SNX33: variants seen among roughly 807,000 people sequenced by gnomAD.
SNX33 encodes the protein sorting nexin 33.
In SNX33, 19 loss-of-function variants were observed where a neutral mutation model predicts 38.8. The observed-to-expected ratio is 0.49, with a 90% confidence interval of 0.34 to 0.72. SNX33 has a LOEUF of 0.72. Among genes scored for constraint, SNX33 ranks in the 30% least tolerant of loss-of-function variants. The pLI is 0.01. For synonymous variants in SNX33, 246 were observed against 289.7 expected (o/e 0.85, Z 1.53); for missense variants, 641 against 776.4 (o/e 0.83, Z 2.07).
chr15:75,651,353 T>C (rs528881166), intron 1 of SNX33, among the ~76,000 whole-genome samples: 22 of 152,284 alleles, frequency 1.4e-4, no homozygotes, highest in African/African-American at 4.8e-4. Context: ...CGGCTGGGAC[T>C]GTCCCTTCCT....
rs1270429946 is a variant in SNX33 at position 75,659,146 on chromosome 15, T to A, written c.*1931T>A. 6.6e-6 allele frequency: 1 copy of A among 152,372 alleles called. No homozygotes were observed. The highest frequency in any genetic ancestry group is 1.9e-4 in the East Asian group (1 of 5,190). 9.4% of individuals were successfully genotyped at this position (152,372 alleles called of 1,614,324 possible). A position where few individuals can be genotyped will look rare whatever the true frequency, so the allele number is the denominator to read the frequency against. ...CCACATTGGAAACTGAAGAGGACGC[T>A]GGCTGTTGGGGGTGCCCTGATCAGG... On this transcript the variant is annotated 3_prime_UTR_variant, in exon 2 of 2. Transcript: ENST00000308527.
Position 75,648,115 on chromosome 15 carries a change from C to T in SNX33, c.-988C>T. The T allele has an allele frequency of 1.0e-6, 1 of 985,484 alleles. No homozygotes were observed. Among genetic ancestry groups the T allele is most frequent in the Non-Finnish European group, 1.2e-6 (1 of 829,992 alleles). The allele number at this position is 985,484 out of a possible 1,614,324, so 61.0% of individuals were successfully genotyped here. A position where few individuals can be genotyped will look rare whatever the true frequency, so the allele number is the denominator to read the frequency against. Reference sequence around the variant, plus strand: ...CCAAACTGTTGAGTGTGTGCGTGCACGCGAGGGTGGTGATCGGGGGTCGTA... The same window carrying T: ...CCAAACTGTTGAGTGTGTGCGTGCATGCGAGGGTGGTGATCGGGGGTCGTA... On this transcript the variant is annotated 5_prime_UTR_variant, in exon 1 of 2. In the 5' UTR this introduces an upstream ATG that the reference lacks. Transcript: ENST00000308527. The surrounding 1 kb of genome is among the most constrained non-coding windows in gnomAD (Gnocchi z 4.4).
At position 75,649,612 on chromosome 15, in the gene SNX33, G is replaced by A. The variant is rs1176585929; in HGVS notation, c.510G>A (p.Leu170=). Reference sequence around the variant, plus strand: ...CACCACTGGAGCGGCAGGACAGCCTGGCATCTGCCAAGCGAGGCAGTGTGG... The same window carrying A: ...CACCACTGGAGCGGCAGGACAGCCTAGCATCTGCCAAGCGAGGCAGTGTGG... ...PKPPLERQDS[L]ASAKRGSVVG... Residue 170 remains leucine (L), a synonymous_variant, in exon 1 of 2, where the codon CTG becomes CTA. Coordinates refer to ENST00000308527, the MANE Select transcript of SNX33 (RefSeq NM_153271.2). The surrounding 1 kb of genome is among the most constrained non-coding windows in gnomAD (Gnocchi z 6.6). 1 of 1,613,652 alleles carries A rather than the reference G, an allele frequency of 6.2e-7. No homozygotes were observed. The highest frequency in any genetic ancestry group is 1.7e-5 in the Admixed American group (1 of 59,960).
chr15:75,650,143 G>A lies in SNX33; in HGVS notation c.1041G>A (p.Arg347=), dbSNP rs1893558617. 2 of 1,613,372 alleles carry A rather than the reference G, an allele frequency of 1.2e-6. No individual in the cohort carries two copies. The highest frequency in any genetic ancestry group is 2.7e-5 in the African/African-American group (2 of 75,008). The change falls in exon 1 of 2, where the codon CGG becomes CGA. Residue 347 remains arginine, a synonymous_variant. Transcript: ENST00000308527. The surrounding 1 kb of genome is among the most constrained non-coding windows in gnomAD (Gnocchi z 6.1). ...AGCAGTGGAAGATGGGCAAACGCCGGGCGGAGAAGGATGAGATGGTGGGTG... is the reference window on the plus strand; with the variant it reads ...AGCAGTGGAAGATGGGCAAACGCCGAGCGGAGAAGGATGAGATGGTGGGTG... The part of the protein sequence containing the change: ...DDKQWKMGKR[R]AEKDEMVGAS...
chr15:75,648,130 C>T lies in SNX33; in HGVS notation c.-973C>T. 16 of 985,506 alleles carry T rather than the reference C, an allele frequency of 1.6e-5. 1 individual carries two copies. The highest frequency in any genetic ancestry group is 1.8e-5 in the Non-Finnish European group (15 of 830,002). 61.0% of individuals were successfully genotyped at this position (985,506 alleles called of 1,614,324 possible). ...TGTGCGTGCACGCGAGGGTGGTGAT[C>T]GGGGGTCGTAAGTCCCGGGTGAGGA... On this transcript the variant is annotated 5_prime_UTR_variant, in exon 1 of 2. Coordinates refer to ENST00000308527, the MANE Select transcript of SNX33 (RefSeq NM_153271.2). The surrounding 1 kb of genome is among the most constrained non-coding windows in gnomAD (Gnocchi z 4.4).
At position 75,648,885 on chromosome 15, in the gene SNX33, C is replaced by G. The variant is rs73439281; in HGVS notation, c.-218C>G. The G allele has an allele frequency of 1.5e-3, 743 of 500,540 alleles. 4 individuals are homozygous for G. The highest frequency in any genetic ancestry group is 0.014 in the African/African-American group (694 of 50,758). 31.0% of individuals were successfully genotyped at this position (500,540 alleles called of 1,614,324 possible). On this transcript the variant is annotated 5_prime_UTR_variant, in exon 1 of 2. Coordinates refer to ENST00000308527, the MANE Select transcript of SNX33 (RefSeq NM_153271.2). The surrounding 1 kb of genome is among the most constrained non-coding windows in gnomAD (Gnocchi z 4.4). ...CCCTCCCTGCTCACAAGCATATGCCCGGAGACCTGATAGGGCAGTTTCTGG... is the reference window on the plus strand; with the variant it reads ...CCCTCCCTGCTCACAAGCATATGCCGGGAGACCTGATAGGGCAGTTTCTGG...
In SNX33 at chr15:75,650,022, A is replaced by G; in HGVS notation, c.920A>G (p.Lys307Arg). The change falls in exon 1 of 2, where the codon AAG (lysine) becomes AGG (arginine). Residue 307 changes from lysine to arginine, a missense_variant. Physicochemically the swap from Lys to Arg is conservative, Grantham distance 26 (BLOSUM62 2). Coordinates refer to ENST00000308527, the MANE Select transcript of SNX33 (RefSeq NM_153271.2). The surrounding 1 kb of genome is among the most constrained non-coding windows in gnomAD (Gnocchi z 6.1). ...GAGGAGGACTTCATCGAAAAGCGGA[A>G]GCGGAGACTCATCCTCTGGATGGAC... ...RFEEDFIEKR[K>R]RRLILWMDHM... The G allele has an allele frequency of 6.2e-7, 1 of 1,603,690 alleles. No individual in the cohort carries two copies. Among genetic ancestry groups the G allele is most frequent in the Non-Finnish European group, 8.5e-7 (1 of 1,175,320 alleles).
rs150854461 is a variant in SNX33 at position 75,650,234 on chromosome 15, G to T, written c.1132G>T (p.Val378Leu). ...HQDLQDVEDR[V>L]DTFKAFSKKM... ...GGACTTGCAGGACGTGGAAGATCGCGTGGACACTTTCAAGGCCTTCAGTAA... is the reference window on the plus strand; with the variant it reads ...GGACTTGCAGGACGTGGAAGATCGCTTGGACACTTTCAAGGCCTTCAGTAA... The change falls in exon 1 of 2, where the codon GTG (valine) becomes TTG (leucine). Residue 378 changes from valine to leucine, a missense_variant. Physicochemically the swap from Val to Leu is conservative, Grantham distance 32. Around this residue, in one of 2 missense-constraint regions of SNX33, gnomAD observed 398 missense variants for 542.5 expected, o/e 0.73. Coordinates refer to ENST00000308527, the MANE Select transcript of SNX33 (RefSeq NM_153271.2). The surrounding 1 kb of genome is among the most constrained non-coding windows in gnomAD (Gnocchi z 6.1). The T allele has an allele frequency of 1.3e-6, 2 of 1,588,870 alleles. No individual in the cohort carries two copies. Among genetic ancestry groups the T allele is most frequent in the African/African-American group, 1.3e-5 (1 of 74,284 alleles).
intron 1 of SNX33, among the ~76,000 whole-genome samples, chr15:75,654,485 A>C (rs958229457): frequency 6.6e-6 from 1 of 152,184 alleles, no homozygotes; most frequent in Admixed American, 6.5e-5. Flanking sequence ...GGCAAGATGG[A>C]TTGAGGTGGG....
Position 75,650,687 on chromosome 15 carries a change from A to C in SNX33, c.1471+114A>C. On this transcript the variant is annotated intron_variant, in intron 1 of 1. Coordinates refer to ENST00000308527, the MANE Select transcript of SNX33 (RefSeq NM_153271.2). The surrounding 1 kb of genome is among the most constrained non-coding windows in gnomAD (Gnocchi z 6.1). ...CAACTTGTCTTTATTTCTCTGTCTC[A>C]ATCATTCATTTAACAAATGTGTTGG... is the stretch of plus-strand genomic sequence containing the variant. 24 of 1,351,496 alleles carry C rather than the reference A, an allele frequency of 1.8e-5. No homozygotes were observed. The highest frequency in any genetic ancestry group is 2.3e-5 in the Non-Finnish European group (23 of 1,013,036). 83.7% of individuals were successfully genotyped at this position (1,351,496 alleles called of 1,614,324 possible).
intron 1 of SNX33, among the ~76,000 whole-genome samples, chr15:75,653,503 C>T (rs1400614854): frequency 6.6e-6 from 1 of 152,210 alleles, no homozygotes; most frequent in African/African-American, 2.4e-5. Flanking sequence ...CGAGGTGCAG[C>T]GATGCAGATG....
At position 75,648,015 on chromosome 15, in the gene SNX33, C is replaced by G. The variant is rs1484771378; in HGVS notation, c.-1088C>G. On this transcript the variant is annotated 5_prime_UTR_variant, in exon 1 of 2. Transcript: ENST00000308527. This position sits in a 1 kb window ranked among gnomAD's most constrained non-coding sequence, Gnocchi z 4.4. ...AGCCCGCCCCCCACTGGCCGGGCCC[C>G]GCAGGGCGGAGAGGAGGACGGACGG... 5 of 985,406 alleles carry G rather than the reference C, an allele frequency of 5.1e-6. No individual in the cohort carries two copies. The highest frequency in any genetic ancestry group is 6.0e-6 in the Non-Finnish European group (5 of 829,940). 61.0% of individuals were successfully genotyped at this position (985,406 alleles called of 1,614,324 possible). A position where few individuals can be genotyped will look rare whatever the true frequency, so the allele number is the denominator to read the frequency against.
At position 75,657,339 on chromosome 15, in the gene SNX33, G is replaced by C. The variant is rs1416473439; in HGVS notation, c.*124G>C. 6.7e-7 allele frequency: 1 copy of C among 1,487,200 alleles called. No individual in the cohort carries two copies. The highest frequency in any genetic ancestry group is 9.1e-7 in the Non-Finnish European group (1 of 1,102,210). The allele number at this position is 1,487,200 out of a possible 1,614,324, so 92.1% of individuals were successfully genotyped here. A position where few individuals can be genotyped will look rare whatever the true frequency, so the allele number is the denominator to read the frequency against. On this transcript the variant is annotated 3_prime_UTR_variant, in exon 2 of 2. Transcript: ENST00000308527. This position sits in a 1 kb window ranked among gnomAD's most constrained non-coding sequence, Gnocchi z 5.5. ...CAGCGGTGGGGGAGATAAGCGGCCT[G>C]TCCTGCCTCCTGGGAGAAGGAGCTT...
rs1395171609 is a variant in SNX33, at chr15:75,647,912, G to C, written c.-1191G>C. On this transcript the variant is annotated 5_prime_UTR_variant, in exon 1 of 2. Transcript: ENST00000308527. ...CCTCAGGACGCCACCTCCCGGAATC[G>C]CCTTTTTGTTTTGGAGCTGCCTTCT... 6.1e-6 allele frequency: 6 copies of C among 985,274 alleles called. No individual in the cohort carries two copies. The highest frequency in any genetic ancestry group is 7.2e-6 in the Non-Finnish European group (6 of 829,934). The allele number at this position is 985,274 out of a possible 1,614,324, so 61.0% of individuals were successfully genotyped here.
At position 75,657,195 on chromosome 15, in the gene SNX33, C is replaced by T. The variant is rs750829627; in HGVS notation, c.1705C>T (p.Arg569Cys). Residue 569 changes from arginine (R) to cysteine (C), a missense_variant, in exon 2 of 2, where the codon CGC becomes TGC. Transcript: ENST00000308527. The surrounding 1 kb of genome is among the most constrained non-coding windows in gnomAD (Gnocchi z 5.5). ...GGGCCAGCAGCTGGAGAAGACCCTG[C>T]GCATGTATGACAACCTCTGACCGCG... ...RVGQQLEKTL[R>C]MYDNL is the part of the protein sequence containing the mutation. The T allele has an allele frequency of 8.1e-6, 13 of 1,613,956 alleles. No homozygotes were observed. The highest frequency in any genetic ancestry group is 1.3e-5 in the African/African-American group (1 of 74,914).
Position 75,656,952 on chromosome 15 carries a change from C to A in SNX33, c.1472-10C>A. On this transcript the variant is annotated splice_polypyrimidine_tract_variant and intron_variant, in intron 1 of 1. Transcript: ENST00000308527. ...CCCTCACACGCTGTCCTCTGCTCTG[C>A]CTATGCCAGGCGCCTTCGCCAAGGT... 6.2e-7 allele frequency: 1 copy of A among 1,611,258 alleles called. No individual in the cohort carries two copies. Among genetic ancestry groups the A allele is most frequent in the Non-Finnish European group, 8.5e-7 (1 of 1,178,200 alleles).
chr15:75,649,333 TC>T lies in SNX33; in HGVS notation c.234del (p.Gly79GlufsTer4). Reference protein sequence around the residue: ...ADYSSSPAGSPGAQVSLYNSP... With the variant: ...ADYSSSPAGSXGAQVSLYNSP... ...ACTACTCCAGCAGCCCTGCAGGCTC[TC>T]CCGGAGCCCAGGTGAGCTTGTACAA... On this transcript the variant is annotated frameshift_variant, in exon 1 of 2. Transcript: ENST00000308527. LOFTEE classifies it high-confidence loss of function. This position sits in a 1 kb window ranked among gnomAD's most constrained non-coding sequence, Gnocchi z 6.6. 1 of 1,585,238 alleles carries T rather than the reference TC, an allele frequency of 6.3e-7. No individual in the cohort carries two copies.
rs1197439035 is a variant in SNX33 at position 75,661,009 on chromosome 15, C to T, written c.*3794C>T. ...GGCCCAGGGAGCAGTGGTGGCTGGC[C>T]TTATCACCCAGCAGGGCAGGGGATA... On this transcript the variant is annotated 3_prime_UTR_variant, in exon 2 of 2. Transcript: ENST00000308527. This position sits in a 1 kb window ranked among gnomAD's most constrained non-coding sequence, Gnocchi z 4.5. 2.0e-5 allele frequency: 3 copies of T among 152,212 alleles called. No individual in the cohort carries two copies. The highest frequency in any genetic ancestry group is 6.5e-5 in the Admixed American group (1 of 15,290). The allele number at this position is 152,212 out of a possible 1,614,324, so 9.4% of individuals were successfully genotyped here.
rs987538083 is a variant in SNX33 at position 75,662,052 on chromosome 15, T to G, written c.*4837T>G. The G allele has an allele frequency of 3.3e-5, 5 of 152,118 alleles. No individual in the cohort carries two copies. The highest frequency in any genetic ancestry group is 1.2e-4 in the African/African-American group (5 of 41,426). The allele number at this position is 152,118 out of a possible 1,614,324, so 9.4% of individuals were successfully genotyped here. On this transcript the variant is annotated 3_prime_UTR_variant, in exon 2 of 2. Coordinates refer to ENST00000308527, the MANE Select transcript of SNX33 (RefSeq NM_153271.2). ...TTTTTATATCTGACCTGAATTTCTG[T>G]TTTCCTCCCCCATTCCCCACATGGT...
Sources: allele counts gnomAD v4.1 joint callset (sites outside exome capture counted in the v4.1 genomes callset), GRCh38; gene constraint gnomAD v4.1.1; regional missense constraint gnomAD v4.1.1; non-coding constraint Gnocchi (gnomAD v3.1); transcripts MANE v1.5; gene names NCBI Gene and HGNC (gene_info 2026-07-23, HGNC 2026-07-21).